Variants in PRDM16 observed in about 807,000 individuals in gnomAD.
The protein encoded by PRDM16 is PR/SET domain 16, also known as histone-lysine N-methyltransferase PRDM16.
A neutral mutation model predicts 110.6 loss-of-function variants in PRDM16; 23 were observed. The ratio of observed to expected loss-of-function variants is 0.21; its 90% CI spans 0.15 to 0.29. The LOEUF (loss-of-function observed/expected upper bound fraction) is 0.29. Ranked by LOEUF, PRDM16 falls within the 10% of genes least tolerant of loss-of-function variation. The probability of loss-of-function intolerance (pLI) is 1.00; values close to 1 mark genes in which losing one functional copy is unlikely to be tolerated. For synonymous variants in PRDM16, 799 were observed against 781.8 expected, an observed-to-expected ratio of 1.02 and a Z score of -0.37; for missense variants, 1,615 against 1,794.3, an observed-to-expected ratio of 0.90 and a Z score of 1.81.
chr1:3,258,166 G>C (rs968965203), intron 3 of PRDM16, among the ~76,000 whole-genome samples: 2 of 152,170 alleles, frequency 1.3e-5, no homozygotes, highest in African/African-American at 4.8e-5. Context: ...AGTATCTACC[G>C]TCCTGCTGCA....
At chr1:3,232,962 A>G (rs1639450596) in intron 2 of PRDM16, among the ~76,000 whole-genome samples, 3 of 152,218 alleles carry the variant, frequency 2.0e-5, no homozygotes, top group African/African-American at 7.2e-5. Flanking sequence ...TAAACGAGGG[A>G]TCAATCAGCA....
At chr1:3,346,334 A>C (rs1232164395) in intron 3 of PRDM16, among the ~76,000 whole-genome samples, 1 of 152,056 alleles carries the variant, frequency 6.6e-6, no homozygotes, top group African/African-American at 2.4e-5. Context: ...GGGGGCTTCC[A>C]GTGGAGGAGC....
chr1:3,349,170 C>A (rs1642425857), intron 3 of PRDM16, among the ~76,000 whole-genome samples: 1 of 152,228 alleles, frequency 6.6e-6, no homozygotes, highest in Non-Finnish European at 1.5e-5. Flanking sequence ...TGCCCCACCT[C>A]CGTCCGCATA....
chr1:3,312,578 C>T (rs1408535813), intron 3 of PRDM16, among the ~76,000 whole-genome samples: 1 of 152,204 alleles, frequency 6.6e-6, no homozygotes, highest in Non-Finnish European at 1.5e-5. Flanking sequence ...GTGGGGTTCC[C>T]GGGATGGGTT....
At chr1:3,181,020 G>GCCCC (rs1644152428) in intron 1 of PRDM16, among the ~76,000 whole-genome samples, 1 of 126,838 alleles carries the variant, frequency 7.9e-6, no homozygotes, top group Non-Finnish European at 1.7e-5. Flanking sequence ...TCTTACAAAT[G>GCCCC]CGGTCTTACA....
intron 2 of PRDM16, among the ~76,000 whole-genome samples, chr1:3,210,986 T>C (rs905989763): frequency 1.3e-5 from 2 of 152,258 alleles, no homozygotes; most frequent in African/African-American, 4.8e-5. Flanking sequence ...ATTCATGAGA[T>C]ATTTGTCTAT....
rs139472066 is a variant in PRDM16, at chr1:3,406,580, A to AT, written c.1186+942dup. On this transcript the variant is annotated intron_variant, in intron 8 of 16. Transcript: ENST00000270722. ...CACCATTTCTACCAAAAAAAAAAAA[A>AT]TTTTTTTTTTAATTAGCCAACCACG... Among the ~76,000 whole-genome samples, 9 of 147,260 alleles carry AT rather than the reference A, an allele frequency of 6.1e-5. No homozygotes were observed. The East Asian group carries it at 1.4e-3, about 22-fold the overall frequency.
intron 1 of PRDM16, 56 bp from the exon 2 acceptor site, chr1:3,186,069 G>A: frequency 1.4e-6 from 2 of 1,465,106 alleles, no homozygotes; most frequent in Admixed American, 1.7e-5. Context: ...TCCCTGAGCT[G>A]TACACACTGG....
chr1:3,339,458 T>C lies in PRDM16; in HGVS notation c.439-45694T>C, dbSNP rs1209618971. On this transcript the variant is annotated intron_variant, in intron 3 of 16. Transcript: ENST00000270722. The surrounding 1 kb of genome is among the most constrained non-coding windows in gnomAD (Gnocchi z 5.0). ...AGCAGAGCGGAAAGGGCATGACCCC[T>C]ACCCAGTGAATCCACAGGGGCTTCC... 6.6e-6 allele frequency among the ~76,000 whole-genome samples: 1 copy of C among 151,968 alleles called. No homozygotes were observed. The highest frequency in any genetic ancestry group is 1.5e-5 in the Non-Finnish European group (1 of 67,964).
At chr1:3,205,163 CG>C (rs370315352) in intron 2 of PRDM16, among the ~76,000 whole-genome samples, 119 of 94,624 alleles carry the variant, frequency 1.3e-3, no homozygotes, top group African/African-American at 4.7e-3. Context: ...TACCTAGAGC[CG>C]GGGGGCCAGG....
intron 3 of PRDM16, among the ~76,000 whole-genome samples, chr1:3,280,518 A>T (rs1200299308): frequency 3.3e-5 from 5 of 152,208 alleles, no homozygotes; most frequent in African/African-American, 4.8e-5. Flanking sequence ...GGGACGGCGT[A>T]CATTCCAACA....
intron 3 of PRDM16, among the ~76,000 whole-genome samples, chr1:3,249,318 C>G (rs1485438986): frequency 6.6e-6 from 1 of 151,990 alleles, no homozygotes; most frequent in African/African-American, 2.4e-5. Flanking sequence ...ATGCATGCAT[C>G]GGGCTCAGCT....
Position 3,246,797 on chromosome 1 carries a change from C to T in PRDM16, c.438+2660C>T, listed in dbSNP as rs1414097022. Among the ~76,000 whole-genome samples the T allele has an allele frequency of 6.6e-6, 1 of 152,106 alleles. No individual in the cohort carries two copies. The highest frequency in any genetic ancestry group is 1.5e-5 in the Non-Finnish European group (1 of 68,010). On this transcript the variant is annotated intron_variant, in intron 3 of 16. Transcript: ENST00000270722. This position sits in a 1 kb window ranked among gnomAD's most constrained non-coding sequence, Gnocchi z 5.2. ...GGACCCGTTCAGTTACATTTCTAGG[C>T]ACTCTCGGGGAGCCGGGGGGGTTGG...
chr1:3,253,369 C>T (rs546890790), intron 3 of PRDM16, among the ~76,000 whole-genome samples: 1 of 125,648 alleles, frequency 8.0e-6, no homozygotes, highest in Non-Finnish European at 1.6e-5. Context: ...TCCCCCCACC[C>T]CACAACAGTC....
At chr1:3,070,847 G>T (rs1221630278) in intron 1 of PRDM16, among the ~76,000 whole-genome samples, 1 of 152,192 alleles carries the variant, frequency 6.6e-6, no homozygotes, top group African/African-American at 2.4e-5. Context: ...CCCCGCCATC[G>T]GCCGTTCCCG....
chr1:3,387,484 C>T (rs1643219603), intron 4 of PRDM16, among the ~76,000 whole-genome samples: 1 of 152,222 alleles, frequency 6.6e-6, no homozygotes, highest in African/African-American at 2.4e-5. Context: ...CCCTCAACCC[C>T]CTTGTGAGAC....
At chr1:3,386,562 G>C (rs960906353) in intron 4 of PRDM16, 9 of 144,842 alleles carry the variant, frequency 6.2e-5, no homozygotes, top group African/African-American at 2.1e-4. Flanking sequence ...TTCAGTTAGA[G>C]CCAAAAATGT....
intron 3 of PRDM16, among the ~76,000 whole-genome samples, chr1:3,283,173 C>A (rs1316647243): frequency 6.6e-6 from 1 of 152,142 alleles, no homozygotes; most frequent in Non-Finnish European, 1.5e-5. Flanking sequence ...CCAGCCAGCC[C>A]CTCGTCACCT....
chr1:3,375,003 G>A (rs916434550), intron 3 of PRDM16, among the ~76,000 whole-genome samples: 2 of 152,218 alleles, frequency 1.3e-5, no homozygotes, highest in Admixed American at 1.3e-4. Flanking sequence ...TTCAGCAGGT[G>A]CCAAAGGCCA....
Sources: allele counts gnomAD v4.1 joint callset (sites outside exome capture counted in the v4.1 genomes callset), GRCh38; gene constraint gnomAD v4.1.1; non-coding constraint Gnocchi (gnomAD v3.1); transcripts MANE v1.5; gene names NCBI Gene and HGNC (gene_info 2026-07-23, HGNC 2026-07-21).